Variants in UNC13C observed in about 807,000 individuals in gnomAD.
UNC13C encodes the protein unc-13 homolog C.
UNC13C carries 174 observed loss-of-function variants against 245.4 expected under a neutral mutation model. The ratio of observed to expected loss-of-function variants is 0.71; its 90% CI spans 0.63 to 0.80. The LOEUF (loss-of-function observed/expected upper bound fraction) is 0.80. Ranked by LOEUF, UNC13C falls within the 30% of genes least tolerant of loss-of-function variation. UNC13C has a pLI of 0.00. For missense variants in UNC13C, 2,829 were observed against 2,602.9 expected (o/e 1.09, Z -1.89); for synonymous variants, 992 against 895.1 (o/e 1.11, Z -1.93).
chr15:54,579,873 A>G (rs1325577284), intron 30 of UNC13C, among the ~76,000 whole-genome samples: 2 of 152,252 alleles, frequency 1.3e-5, no homozygotes, highest in African/African-American at 4.8e-5. Flanking sequence ...CACCGATTAA[A>G]ATTAAGTGCC....
At chr15:54,245,767 C>T (rs538534834) in intron 7 of UNC13C, among the ~76,000 whole-genome samples, 4 of 152,028 alleles carry the variant, frequency 2.6e-5, no homozygotes, top group South Asian at 2.1e-4. Context: ...TTCTGGAAAG[C>T]GTACATCAAG....
At chr15:54,289,057 G>C (rs1167359962) in intron 10 of UNC13C, among the ~76,000 whole-genome samples, 1 of 152,110 alleles carries the variant, frequency 6.6e-6, no homozygotes, top group Non-Finnish European at 1.5e-5. Flanking sequence ...GTTGCACTTA[G>C]AAGCCTCTGC....
intron 18 of UNC13C, among the ~76,000 whole-genome samples, chr15:54,397,771 T>C (rs1299406066): frequency 6.6e-6 from 1 of 151,350 alleles, no homozygotes; most frequent in East Asian, 1.9e-4. Flanking sequence ...AAATGGTACT[T>C]TTAATTCTAA....
At chr15:54,116,781 T>G (rs1332311822) in intron 2 of UNC13C, among the ~76,000 whole-genome samples, 1 of 152,136 alleles carries the variant, frequency 6.6e-6, no homozygotes, top group Non-Finnish European at 1.5e-5. Context: ...TTCTTTCTTT[T>G]GAGTTTATAT....
chr15:53,861,425 C>T, the UNC13C span, among the ~76,000 whole-genome samples: 1 of 151,270 alleles, frequency 6.6e-6, no homozygotes, highest in Non-Finnish European at 1.5e-5. Context: ...ATATTTTTTG[C>T]GTGTTGTTAT....
intron 2 of UNC13C, among the ~76,000 whole-genome samples, chr15:54,021,569 T>A (rs1257529675): frequency 6.6e-6 from 1 of 152,258 alleles, no homozygotes; most frequent in Admixed American, 6.5e-5. Context: ...GTACATCTAC[T>A]TTTTTATCCA....
intron 2 of UNC13C, among the ~76,000 whole-genome samples, chr15:54,119,970 A>G (rs886922209): frequency 6.6e-6 from 1 of 152,176 alleles, no homozygotes; most frequent in African/African-American, 2.4e-5. Flanking sequence ...AGGTCAGTTC[A>G]TGGAGTTAAA....
intron 1 of UNC13C, among the ~76,000 whole-genome samples, chr15:53,996,584 A>G (rs1157280001): frequency 1.3e-5 from 2 of 152,174 alleles, no homozygotes; most frequent in African/African-American, 4.8e-5. Flanking sequence ...GATATAGAGC[A>G]TTTCTATCAC....
intron 2 of UNC13C, among the ~76,000 whole-genome samples, chr15:54,121,376 T>G (rs564966549): frequency 6.6e-6 from 1 of 152,164 alleles, no homozygotes; most frequent in East Asian, 1.9e-4. Context: ...TGCACATTAT[T>G]TTTTAGACCT....
chr15:54,218,627 G>C (rs2035117053), intron 4 of UNC13C, among the ~76,000 whole-genome samples: 1 of 151,878 alleles, frequency 6.6e-6, no homozygotes, highest in Non-Finnish European at 1.5e-5. Context: ...ATGTAAAGGG[G>C]TTTGTTCTAT....
chr15:54,326,895 T>G (rs569565952), intron 14 of UNC13C, among the ~76,000 whole-genome samples: 1 of 152,160 alleles, frequency 6.6e-6, no homozygotes, highest in Non-Finnish European at 1.5e-5. Flanking sequence ...AACACAGCCA[T>G]CCTTGAAATT....
chr15:54,170,971 A>G (rs906034881), intron 4 of UNC13C, among the ~76,000 whole-genome samples: 2 of 152,198 alleles, frequency 1.3e-5, no homozygotes, highest in Non-Finnish European at 2.9e-5. Flanking sequence ...CTATTCACAA[A>G]GTCCACGTGT....
At chr15:54,061,983 A>G (rs1285691388) in intron 2 of UNC13C, among the ~76,000 whole-genome samples, 1 of 152,150 alleles carries the variant, frequency 6.6e-6, no homozygotes, top group African/African-American at 2.4e-5. Context: ...CATTCATGCC[A>G]AGATGGGGAG....
At chr15:54,599,757 CT>C (rs1206086572) in intron 30 of UNC13C, among the ~76,000 whole-genome samples, 3 of 152,034 alleles carry the variant, frequency 2.0e-5, no homozygotes, top group Non-Finnish European at 4.4e-5. Context: ...TTCTCTGGGT[CT>C]GTGTGAAGCC....
intron 17 of UNC13C, among the ~76,000 whole-genome samples, chr15:54,389,170 TC>T (rs1381452594): frequency 1.3e-5 from 2 of 152,184 alleles, no homozygotes; most frequent in African/African-American, 4.8e-5. Flanking sequence ...AGAACACTTA[TC>T]CTGTGAAAAG....
the UNC13C span, among the ~76,000 whole-genome samples, chr15:53,951,214 G>T: frequency 2.0e-5 from 3 of 152,168 alleles, no homozygotes; most frequent in African/African-American, 7.2e-5. Flanking sequence ...CTACATGGCT[G>T]GGTGACTTGG....
At chr15:54,500,809 G>A (rs1894174318) in intron 21 of UNC13C, 26 bp from the exon 22 acceptor site, 4 of 1,609,850 alleles carry the variant, frequency 2.5e-6, no homozygotes, top group East Asian at 2.2e-5. Flanking sequence ...TACTGTTTGG[G>A]ATGGTTTCAC....
At position 54,398,826 on chromosome 15, in the gene UNC13C, T is replaced by C. The variant is rs528546808; in HGVS notation, c.4847+5645T>C. ...GATTTTTCCTCTCTCATCCTTAATA[T>C]TGATATTTTGTGTCTTCTCTCTTTT... On this transcript the variant is annotated intron_variant, in intron 18 of 32. Coordinates refer to ENST00000260323, the MANE Select transcript of UNC13C (RefSeq NM_001080534.3). Among the ~76,000 whole-genome samples the C allele has an allele frequency of 4.0e-5, 6 of 151,618 alleles. No individual in the cohort carries two copies. In the South Asian group the frequency reaches 1.0e-3, roughly 26 times the overall value.
At chr15:54,360,553 C>G (rs1282048435) in intron 17 of UNC13C, among the ~76,000 whole-genome samples, 1 of 151,854 alleles carries the variant, frequency 6.6e-6, no homozygotes, top group African/African-American at 2.4e-5. Context: ...TATATAATTG[C>G]CTTTTGTTCA....
Sources: allele counts gnomAD v4.1 joint callset (sites outside exome capture counted in the v4.1 genomes callset), GRCh38; gene constraint gnomAD v4.1.1; transcripts MANE v1.5; gene names NCBI Gene and HGNC (gene_info 2026-07-23, HGNC 2026-07-21).